The following TM9SF2 variants were observed in gnomAD, a reference collection of about 807,000 sequenced individuals.
The protein encoded by TM9SF2 is 76 kDa membrane protein.
A neutral mutation model predicts 84.9 loss-of-function variants in TM9SF2; 13 were observed. The observed-to-expected ratio is 0.15, with a 90% CI of 0.10 to 0.24. TM9SF2 has a LOEUF of 0.24. Among genes scored for constraint, TM9SF2 ranks in the 10% least tolerant of loss-of-function variants. The pLI is 1.00. For synonymous variants in TM9SF2, 273 were observed against 285.8 expected (o/e 0.96, Z 0.45); for missense variants, 562 against 818.5 (o/e 0.69, Z 3.82).
At position 99,528,906 on chromosome 13, in the gene TM9SF2, A is replaced by G. The variant is rs2046195801; in HGVS notation, c.334-561A>G. On this transcript the variant is annotated intron_variant, in intron 3 of 16. Transcript: ENST00000376387. ...TTATGTAATAAAGTTTGAATTTATTAAAAGATGGAATTATGGCTGGTTGTA... is the reference window on the plus strand; with the variant it reads ...TTATGTAATAAAGTTTGAATTTATTGAAAGATGGAATTATGGCTGGTTGTA... Among the ~76,000 whole-genome samples the G allele has an allele frequency of 2.0e-5, 3 of 152,220 alleles. No individual in the cohort carries two copies. In the South Asian group the frequency reaches 6.2e-4, roughly 32 times the overall value.
intron 12 of TM9SF2, 101 bp downstream of exon 12, chr13:99,549,323 T>C: frequency 1.2e-6 from 1 of 859,484 alleles, no homozygotes; most frequent in East Asian, 2.5e-5. Flanking sequence ...CTAAATCATG[T>C]ACCTAAGAAA....
intron 1 of TM9SF2, among the ~76,000 whole-genome samples, chr13:99,508,491 C>T (rs553272876): frequency 3.3e-5 from 5 of 150,732 alleles, no homozygotes; most frequent in Non-Finnish European, 5.9e-5. Context: ...TAAGTGCTGT[C>T]ATTTTTTTTT....
intron 2 of TM9SF2, among the ~76,000 whole-genome samples, chr13:99,518,596 A>G (rs2046144890): frequency 6.6e-6 from 1 of 151,738 alleles, no homozygotes. Flanking sequence ...GATTATTTCC[A>G]GGTTCTTTGT....
At chr13:99,556,492 G>A (rs754884842) in intron 15 of TM9SF2, among the ~76,000 whole-genome samples, 7 of 151,110 alleles carry the variant, frequency 4.6e-5, no homozygotes, top group Non-Finnish European at 8.8e-5. Flanking sequence ...CATATAATAT[G>A]TGACCTTTTG....
intron 13 of TM9SF2, among the ~76,000 whole-genome samples, chr13:99,553,506 A>C (rs1408742499): frequency 6.6e-6 from 1 of 152,234 alleles, no homozygotes; most frequent in Non-Finnish European, 1.5e-5. Flanking sequence ...TCAGCCTTGG[A>C]AATAAATAAA....
chr13:99,517,344 A>G (rs1018440997), intron 1 of TM9SF2, among the ~76,000 whole-genome samples: 1 of 152,090 alleles, frequency 6.6e-6, no homozygotes, highest in African/African-American at 2.4e-5. Flanking sequence ...CGGGCTAGTC[A>G]CAAACTCCTG....
At chr13:99,505,523 A>G (rs1422175342) in intron 1 of TM9SF2, among the ~76,000 whole-genome samples, 1 of 151,918 alleles carries the variant, frequency 6.6e-6, no homozygotes, top group Non-Finnish European at 1.5e-5. Context: ...TTTTTCTTTT[A>G]TTTGCCTTAT....
intron 4 of TM9SF2, 67 bp from the exon 5 acceptor site, chr13:99,536,541 T>G: frequency 6.4e-7 from 1 of 1,562,156 alleles, no homozygotes; most frequent in Non-Finnish European, 8.7e-7. Context: ...TGACACTGAT[T>G]TGGGCAGTAA....
chr13:99,539,857 A>G (rs1348598431), intron 7 of TM9SF2, among the ~76,000 whole-genome samples: 1 of 152,224 alleles, frequency 6.6e-6, no homozygotes, highest in African/African-American at 2.4e-5. Context: ...CCAGAGATAT[A>G]TTCAGAAACC....
intron 15 of TM9SF2, among the ~76,000 whole-genome samples, chr13:99,558,037 G>A (rs928706981): frequency 2.0e-5 from 3 of 152,194 alleles, no homozygotes; most frequent in South Asian, 4.1e-4. Context: ...ATTATTTGAC[G>A]TGTGGATATC....
chr13:99,555,528 GATTA>G lies in TM9SF2; in HGVS notation c.1641-7_1641-4del. The G allele has an allele frequency of 1.3e-6, 2 of 1,591,878 alleles. No homozygotes were observed. Among genetic ancestry groups the G allele is most frequent in the Non-Finnish European group, 1.7e-6 (2 of 1,160,574 alleles). ...TTTATAGTTCCTTCTTGACGTGTTTGATTATAGGTCACACCAGATGTATTACATG... is the reference window on the plus strand; with the variant it reads ...TTTATAGTTCCTTCTTGACGTGTTTGTAGGTCACACCAGATGTATTACATG... On this transcript the variant is annotated splice_polypyrimidine_tract_variant and splice_region_variant and intron_variant, in intron 14 of 16. Transcript: ENST00000376387.
At chr13:99,515,590 G>T (rs188724288) in intron 1 of TM9SF2, among the ~76,000 whole-genome samples, 1 of 152,260 alleles carries the variant, frequency 6.6e-6, no homozygotes, top group Non-Finnish European at 1.5e-5. Flanking sequence ...CATTTTAGTG[G>T]ATGAACACTT....
At chr13:99,546,134 G>A (rs2046281383) in intron 10 of TM9SF2, among the ~76,000 whole-genome samples, 1 of 152,170 alleles carries the variant, frequency 6.6e-6, no homozygotes, top group South Asian at 2.1e-4. Context: ...TGCTCATCAT[G>A]ACTCTGGTGC....
At chr13:99,545,173 CCA>C (rs994537319) in intron 10 of TM9SF2, among the ~76,000 whole-genome samples, 2 of 151,828 alleles carry the variant, frequency 1.3e-5, no homozygotes, top group African/African-American at 4.8e-5. Context: ...ATACATAATA[CCA>C]CAGTTATTTT....
At chr13:99,508,783 A>G (rs551864828) in intron 1 of TM9SF2, among the ~76,000 whole-genome samples, 1 of 152,150 alleles carries the variant, frequency 6.6e-6, no homozygotes, top group Non-Finnish European at 1.5e-5. Flanking sequence ...GGACTCACTC[A>G]CCATCATGAG....
At chr13:99,556,849 G>A (rs376435138) in intron 15 of TM9SF2, among the ~76,000 whole-genome samples, 4 of 152,112 alleles carry the variant, frequency 2.6e-5, no homozygotes, top group Admixed American at 2.0e-4. Context: ...GCCTCCCAAC[G>A]TGCTGGGATT....
rs764505310 is a variant in TM9SF2, at chr13:99,554,280, TCTTC to T, written c.1489-16_1489-13del. 35 of 1,599,442 alleles carry T rather than the reference TCTTC, an allele frequency of 2.2e-5. No homozygotes were observed. The highest frequency in any genetic ancestry group is 3.4e-5 in the South Asian group (3 of 88,444). ...TTGAGACAGATACGTAATTATGAAT[TCTTC>T]CTTCCTTTTTTTACTGAAGGCCATT... is the stretch of plus-strand genomic sequence containing the variant. On this transcript the variant is annotated intron_variant, in intron 13 of 16. Coordinates refer to ENST00000376387, the MANE Select transcript of TM9SF2 (RefSeq NM_004800.3).
intron 12 of TM9SF2, among the ~76,000 whole-genome samples, chr13:99,551,463 C>T (rs2046305241): frequency 6.6e-6 from 1 of 152,134 alleles, no homozygotes; most frequent in Non-Finnish European, 1.5e-5. Flanking sequence ...ATGCACCAGG[C>T]GTAACTACTG....
intron 4 of TM9SF2, among the ~76,000 whole-genome samples, chr13:99,532,083 G>A (rs536948407): frequency 3.9e-4 from 59 of 149,760 alleles, no homozygotes; most frequent in African/African-American, 1.4e-3. Flanking sequence ...ACGGAATCTC[G>A]TTCTGTCACC....
Sources: allele counts gnomAD v4.1 joint callset (sites outside exome capture counted in the v4.1 genomes callset), GRCh38; gene constraint gnomAD v4.1.1; transcripts MANE v1.5; gene names NCBI Gene and HGNC (gene_info 2026-07-23, HGNC 2026-07-21).